The following ZRANB3 variants were observed in gnomAD, a reference collection of about 807,000 sequenced individuals.
ZRANB3 encodes the protein zinc finger RANBP2-type containing 3.
A neutral mutation model predicts 133.8 loss-of-function variants in ZRANB3; 125 were observed. The ratio of observed to expected loss-of-function variants is 0.93; its 90% CI spans 0.81 to 1.08. ZRANB3 has a LOEUF of 1.08. Ranked by LOEUF, ZRANB3 falls within the 50% of genes least tolerant of loss-of-function variation. ZRANB3 has a pLI of 0.00. For missense variants in ZRANB3, 1,229 were observed against 1,275.5 expected (o/e 0.96, Z 0.56); for synonymous variants, 387 against 432.7 (o/e 0.89, Z 1.31).
intron 2 of ZRANB3, among the ~76,000 whole-genome samples, chr2:135,391,960 A>AATATC (rs1558965562): frequency 6.6e-6 from 1 of 152,118 alleles, no homozygotes; most frequent in Admixed American, 6.6e-5. Flanking sequence ...AATTCTATGC[A>AATATC]ATGATAATTG....
intron 12 of ZRANB3, among the ~76,000 whole-genome samples, chr2:135,238,482 C>T (rs958354237): frequency 4.6e-5 from 7 of 151,784 alleles, no homozygotes; most frequent in Non-Finnish European, 5.9e-5. Context: ...CAACCTCCGC[C>T]TCCCGAAAGT....
At chr2:135,259,012 T>G (rs1205039349) in intron 12 of ZRANB3, among the ~76,000 whole-genome samples, 1 of 152,196 alleles carries the variant, frequency 6.6e-6, no homozygotes. Context: ...AAACGTGTTT[T>G]CTTTTTGAAT....
At chr2:135,431,184 C>T (rs966558904) in intron 2 of ZRANB3, among the ~76,000 whole-genome samples, 6 of 151,136 alleles carry the variant, frequency 4.0e-5, no homozygotes, top group Non-Finnish European at 8.8e-5. Flanking sequence ...CCCAGCTACT[C>T]GGGAGGCTCA....
chr2:135,523,279 C>T (rs1429667836), intron 1 of ZRANB3, among the ~76,000 whole-genome samples: 1 of 152,202 alleles, frequency 6.6e-6, no homozygotes, highest in African/African-American at 2.4e-5. Context: ...CCCCCAAGTT[C>T]CACTGCTATC....
intron 2 of ZRANB3, among the ~76,000 whole-genome samples, chr2:135,410,507 A>C (rs1688256914): frequency 6.6e-6 from 1 of 152,190 alleles, no homozygotes. Context: ...AAATACTTAA[A>C]TGTAAGACCT....
chr2:135,431,144 G>T (rs539208361), intron 2 of ZRANB3, among the ~76,000 whole-genome samples: 1 of 150,544 alleles, frequency 6.6e-6, no homozygotes, highest in African/African-American at 2.4e-5. Flanking sequence ...AAATAAAAAT[G>T]AGCTGAGTGT....
chr2:135,233,878 G>T (rs948578075), intron 12 of ZRANB3, among the ~76,000 whole-genome samples: 1 of 152,170 alleles, frequency 6.6e-6, no homozygotes, highest in South Asian at 2.1e-4. Context: ...GGAAGAAACT[G>T]CATCAACTAA....
chr2:135,525,490 G>C (rs930724950), intron 1 of ZRANB3, among the ~76,000 whole-genome samples: 1 of 152,200 alleles, frequency 6.6e-6, no homozygotes, highest in Non-Finnish European at 1.5e-5. Context: ...GCACATGACA[G>C]CATTACCTAT....
intron 2 of ZRANB3, among the ~76,000 whole-genome samples, chr2:135,450,404 C>T (rs1406360275): frequency 6.6e-6 from 1 of 151,446 alleles, no homozygotes; most frequent in Non-Finnish European, 1.5e-5. Flanking sequence ...CCCTATGATA[C>T]TAAAAAATTT....
At chr2:135,299,816 A>C (rs1032700106) in intron 8 of ZRANB3, among the ~76,000 whole-genome samples, 2 of 152,252 alleles carry the variant, frequency 1.3e-5, no homozygotes, top group Non-Finnish European at 2.9e-5. Flanking sequence ...AGCGTTGTAC[A>C]TATTAAAATT....
intron 6 of ZRANB3, among the ~76,000 whole-genome samples, chr2:135,322,886 G>A (rs934435141): frequency 9.2e-5 from 14 of 151,852 alleles, no homozygotes; most frequent in African/African-American, 2.2e-4. Context: ...GAGTGGTGGC[G>A]GGCACCTGTA....
At chr2:135,325,762 C>T (rs1683784116) in intron 6 of ZRANB3, among the ~76,000 whole-genome samples, 1 of 152,124 alleles carries the variant, frequency 6.6e-6, no homozygotes, top group South Asian at 2.1e-4. Context: ...TGTCCAAAGG[C>T]TTAATAATGT....
chr2:135,210,931 A>T (rs1000062384), intron 17 of ZRANB3, among the ~76,000 whole-genome samples: 4 of 152,084 alleles, frequency 2.6e-5, no homozygotes, highest in Non-Finnish European at 4.4e-5. Context: ...CAGGAGGCTG[A>T]GGCAGGAGAA....
intron 14 of ZRANB3, among the ~76,000 whole-genome samples, chr2:135,225,956 C>A (rs979794137): frequency 2.6e-5 from 4 of 152,168 alleles, no homozygotes; most frequent in Non-Finnish European, 5.9e-5. Context: ...AAGAAAGCAA[C>A]TGAAAGCAGG....
At chr2:135,200,489 GCT>G in intron 20 of ZRANB3, 49 bp from the exon 21 acceptor site, 1 of 1,420,770 alleles carries the variant, frequency 7.0e-7, no homozygotes, top group Non-Finnish European at 9.7e-7. Context: ...AAAAGCACCG[GCT>G]ACAAAAGCTC....
intron 3 of ZRANB3, among the ~76,000 whole-genome samples, chr2:135,380,804 A>T (rs1158495323): frequency 6.6e-6 from 1 of 152,220 alleles, no homozygotes; most frequent in African/African-American, 2.4e-5. Context: ...GGCAAGAAAT[A>T]ACTAAGATCA....
intron 7 of ZRANB3, among the ~76,000 whole-genome samples, chr2:135,315,156 T>G (rs556178251): frequency 6.6e-6 from 1 of 152,206 alleles, no homozygotes; most frequent in African/African-American, 2.4e-5. Flanking sequence ...TAGGTTACCA[T>G]ATCTTTTTAT....
At chr2:135,496,496 CAAT>C (rs1375020854) in intron 2 of ZRANB3, among the ~76,000 whole-genome samples, 2 of 126,124 alleles carry the variant, frequency 1.6e-5, no homozygotes, top group African/African-American at 2.9e-5. Flanking sequence ...TCACATAAAA[CAAT>C]AAAAGGCAAA....
At chr2:135,255,271 CACAG>C (rs1430944972) in intron 12 of ZRANB3, among the ~76,000 whole-genome samples, 7 of 151,932 alleles carry the variant, frequency 4.6e-5, no homozygotes, top group African/African-American at 1.7e-4. Flanking sequence ...CACACACACA[CACAG>C]ACACACACAC....
Sources: allele counts gnomAD v4.1 joint callset (sites outside exome capture counted in the v4.1 genomes callset), GRCh38; gene constraint gnomAD v4.1.1; transcripts MANE v1.5; gene names NCBI Gene and HGNC (gene_info 2026-07-23, HGNC 2026-07-21).